NCOR1: variants seen among roughly 807,000 people sequenced by gnomAD.
The protein encoded by NCOR1 is nuclear receptor corepressor 1.
In NCOR1, 63 loss-of-function variants were observed where a neutral mutation model predicts 288.1. The ratio of observed to expected loss-of-function variants is 0.22; its 90% CI spans 0.18 to 0.27. The LOEUF is 0.27. NCOR1 is among the 10% of genes least tolerant of loss of function. NCOR1 has a pLI of 1.00. For synonymous variants in NCOR1, 1,007 were observed against 1,065.9 expected (o/e 0.94, Z 1.08); for missense variants, 2,397 against 3,019.2 (o/e 0.79, Z 4.83).
intron 15 of NCOR1, among the ~76,000 whole-genome samples, chr17:16,121,783 C>T (rs537040022): frequency 1.3e-5 from 2 of 152,288 alleles, no homozygotes; most frequent in African/African-American, 4.8e-5. Flanking sequence ...AGACTCAATA[C>T]TCTAAATCAT....
Position 16,071,648 on chromosome 17 carries a change from T to C in NCOR1, c.3913A>G (p.Thr1305Ala). The C allele has an allele frequency of 6.2e-7, 1 of 1,612,638 alleles. No individual in the cohort carries two copies. The highest frequency in any genetic ancestry group is 8.5e-7 in the Non-Finnish European group (1 of 1,179,458). ...TTAAGGCCATCTTCAAAGCTTTCAG[T>C]TGTTGCTCTTGGTGTCCCTTGAAAA... ...SIMQGTPRAT[T>A]ESFEDGLKYP... The change falls in exon 30 of 46, where the codon ACT (threonine) becomes GCT (alanine). Residue 1305 changes from threonine to alanine, a missense_variant. Thr to Ala is a moderately conservative substitution (Grantham distance 58, BLOSUM62 0). Around this residue, in one of 11 missense-constraint regions of NCOR1, gnomAD observed 1,872 missense variants for 2,187.8 expected, o/e 0.86. Transcript: ENST00000268712.
rs1277624832 is a variant in NCOR1 at position 16,032,280 on chromosome 17, C to G, written c.*16G>C. On this transcript the variant is annotated 3_prime_UTR_variant, in exon 46 of 46. Coordinates refer to ENST00000268712, the MANE Select transcript of NCOR1 (RefSeq NM_006311.4). ...AGATCCCTCTCCTGCACCCTGTTCC[C>G]CTCACTTTGTGCAGTTCAGTCATCA... 1 of 1,593,666 alleles carries G rather than the reference C, an allele frequency of 6.3e-7. No homozygotes were observed.
intron 15 of NCOR1, among the ~76,000 whole-genome samples, chr17:16,125,101 C>T (rs543110022): frequency 2.4e-4 from 37 of 152,318 alleles, no homozygotes; most frequent in African/African-American, 8.4e-4. Context: ...TGGTGGCTCA[C>T]GCCTGTAATC....
intron 37 of NCOR1, among the ~76,000 whole-genome samples, chr17:16,058,813 G>A (rs1307630055): frequency 6.6e-6 from 1 of 151,868 alleles, no homozygotes. Flanking sequence ...TTGGAAGGCC[G>A]AGGCAGGTGG....
intron 10 of NCOR1, among the ~76,000 whole-genome samples, chr17:16,144,042 A>C (rs1303117707): frequency 6.6e-6 from 1 of 152,226 alleles, no homozygotes; most frequent in Non-Finnish European, 1.5e-5. Flanking sequence ...ACATTTTTAA[A>C]AGGAGAGAAA....
intron 2 of NCOR1, among the ~76,000 whole-genome samples, chr17:16,188,386 C>A (rs1272153091): frequency 1.3e-5 from 2 of 151,982 alleles, no homozygotes; most frequent in Non-Finnish European, 2.9e-5. Context: ...CCAAAGCGGG[C>A]AGATCACAAG....
rs745349134 is a variant in NCOR1 at position 16,119,424 on chromosome 17, T to C, written c.1914A>G (p.Lys638=). 1.2e-6 allele frequency: 2 copies of C among 1,604,516 alleles called. No homozygotes were observed. The highest frequency in any genetic ancestry group is 8.5e-7 in the Non-Finnish European group (1 of 1,173,476). The change falls in exon 17 of 46, where the codon AAA becomes AAG. Residue 638 remains lysine (K), a splice_region_variant and synonymous_variant. Transcript: ENST00000268712. ...WTEEEMEVAK[K]GLVEHGRNWA... ...GAAACCAGAACTACTACAATTTACC[T>C]TTTTTAGCAACTTCCATTTCTTCTT...
chr17:16,106,822 G>T (rs563632059), intron 19 of NCOR1, among the ~76,000 whole-genome samples: 13 of 131,032 alleles, frequency 9.9e-5, no homozygotes, highest in African/African-American at 3.7e-4. Flanking sequence ...TGATTGAGCA[G>T]ATGTGATGGT....
In NCOR1 at chr17:16,030,435, T is replaced by C. The variant is rs992608483; in HGVS notation, c.*1861A>G. 4.8e-6 allele frequency: 1 copy of C among 210,070 alleles called. No homozygotes were observed. The highest frequency in any genetic ancestry group is 9.7e-6 in the Non-Finnish European group (1 of 103,384). 13.0% of individuals were successfully genotyped at this position (210,070 alleles called of 1,614,324 possible). On this transcript the variant is annotated 3_prime_UTR_variant, in exon 46 of 46. Transcript: ENST00000268712. ...CATAGAAAAATACCATCATAATCTC[T>C]TTTATGGTAGGTTGGCAATATAAAT...
At chr17:16,068,297 T>C (rs769226491) in intron 31 of NCOR1, 176 bp from the exon 32 acceptor site, 79 of 607,830 alleles carry the variant, frequency 1.3e-4, no homozygotes, top group Non-Finnish European at 2.0e-4. Flanking sequence ...CATATGAAAA[T>C]GTAAACAACT....
chr17:16,119,606 A>G (rs983837788), intron 16 of NCOR1, 121 bp from the exon 17 acceptor site: 1 of 588,126 alleles, frequency 1.7e-6, no homozygotes, highest in Non-Finnish European at 2.8e-6. Flanking sequence ...CATTTGGTGA[A>G]AGAAACTGCA....
intron 19 of NCOR1, among the ~76,000 whole-genome samples, chr17:16,107,559 G>A (rs532511652): frequency 6.6e-6 from 1 of 152,176 alleles, no homozygotes; most frequent in African/African-American, 2.4e-5. Flanking sequence ...AATTTCAGTT[G>A]CTGCAGCCAC....
intron 29 of NCOR1, 32 bp downstream of exon 29, chr17:16,072,113 A>G: frequency 6.6e-7 from 1 of 1,521,272 alleles, no homozygotes; most frequent in African/African-American, 1.4e-5. Flanking sequence ...AGGCAGTTAT[A>G]AATAAAAATG....
chr17:16,180,462 A>T (rs1600070451), intron 3 of NCOR1, among the ~76,000 whole-genome samples: 1 of 152,148 alleles, frequency 6.6e-6, no homozygotes, highest in African/African-American at 2.4e-5. Flanking sequence ...CCTCATAAAG[A>T]TATCTGGGGT....
At chr17:16,156,465 G>A (rs1239146572) in intron 6 of NCOR1, among the ~76,000 whole-genome samples, 1 of 131,642 alleles carries the variant, frequency 7.6e-6, no homozygotes, top group Non-Finnish European at 1.6e-5. Flanking sequence ...AAGAAGGAAA[G>A]CGAAAAAAAA....
intron 22 of NCOR1, 97 bp downstream of exon 22, chr17:16,091,766 G>C (rs1379068599): frequency 3.5e-5 from 55 of 1,581,114 alleles, no homozygotes; most frequent in Non-Finnish European, 4.7e-5. Context: ...AATCAGTTGG[G>C]AGGCTGACAA....
In NCOR1 at chr17:16,135,145, C is replaced by T. The variant is rs578009463; in HGVS notation, c.1509+2166G>A. ...CTGCACTCCAGCCTGGGCGACAGAG[C>T]GAGACTCCATCTCAAAAAAAAAAAA... On this transcript the variant is annotated intron_variant, in intron 14 of 45. Coordinates refer to ENST00000268712, the MANE Select transcript of NCOR1 (RefSeq NM_006311.4). Among the ~76,000 whole-genome samples, 35 of 120,086 alleles carry T rather than the reference C, an allele frequency of 2.9e-4. 1 individual carries two copies. Among genetic ancestry groups the T allele is most frequent in the African/African-American group, 1.0e-3 (30 of 28,942 alleles). The allele number at this position is 120,086 out of a possible 152,430, so 78.8% of individuals were successfully genotyped here. A position where few individuals can be genotyped will look rare whatever the true frequency, so the allele number is the denominator to read the frequency against.
intron 27 of NCOR1, among the ~76,000 whole-genome samples, chr17:16,074,490 A>G (rs1466189187): frequency 6.6e-6 from 1 of 152,228 alleles, no homozygotes; most frequent in Non-Finnish European, 1.5e-5. Context: ...GACAACGTAC[A>G]TTATTAATTT....
At chr17:16,072,291 G>T in intron 28 of NCOR1, 63 bp from the exon 29 acceptor site, 1 of 1,222,498 alleles carries the variant, frequency 8.2e-7, no homozygotes, top group Non-Finnish European at 1.2e-6. Context: ...CACATATACT[G>T]AATGCTGTTC....
Sources: allele counts gnomAD v4.1 joint callset (sites outside exome capture counted in the v4.1 genomes callset), GRCh38; gene constraint gnomAD v4.1.1; regional missense constraint gnomAD v4.1.1; transcripts MANE v1.5; gene names NCBI Gene and HGNC (gene_info 2026-07-23, HGNC 2026-07-21).